WWOX: variants seen among roughly 807,000 people sequenced by gnomAD.
WWOX encodes WW domain-containing oxidoreductase.
In WWOX, 69 loss-of-function variants were observed where a neutral mutation model predicts 46.2. The observed-to-expected ratio is 1.49, with a 90% CI of 1.23 to 1.82. The LOEUF is 1.82. Ranked by LOEUF, WWOX falls within the 40% of genes most tolerant of loss-of-function variation. The pLI is 0.00. For missense variants in WWOX, 919 were observed against 542.6 expected (o/e 1.69, Z -6.89); for synonymous variants, 359 against 202.6 (o/e 1.77, Z -6.56).
chr16:78,565,870 T>C (rs1282857734), intron 8 of WWOX, among the ~76,000 whole-genome samples: 1 of 151,972 alleles, frequency 6.6e-6, no homozygotes, highest in East Asian at 1.9e-4. Flanking sequence ...AGGACTGAAA[T>C]GTGGGTAAGA....
intron 5 of WWOX, among the ~76,000 whole-genome samples, chr16:78,312,476 C>A (rs945036500): frequency 2.6e-5 from 4 of 151,320 alleles, no homozygotes; most frequent in Admixed American, 6.6e-5. Flanking sequence ...CTCCTGTGTT[C>A]AAGCAGTTCT....
chr16:78,828,040 G>T (rs2151153669), intron 8 of WWOX, among the ~76,000 whole-genome samples: 1 of 152,310 alleles, frequency 6.6e-6, no homozygotes, highest in South Asian at 2.1e-4. Flanking sequence ...GCACATTGCT[G>T]CAGGCATTGG....
chr16:79,137,398 A>T (rs1386403980), intron 8 of WWOX, among the ~76,000 whole-genome samples: 1 of 152,202 alleles, frequency 6.6e-6, no homozygotes. Context: ...TTTTTATCAC[A>T]GCTGATAACT....
chr16:79,211,143 C>A (rs2051728772), intron 8 of WWOX, among the ~76,000 whole-genome samples: 1 of 151,976 alleles, frequency 6.6e-6, no homozygotes, highest in Non-Finnish European at 1.5e-5. Context: ...GCAGCAGCCC[C>A]ACTTGGGTTT....
intron 8 of WWOX, among the ~76,000 whole-genome samples, chr16:78,464,532 A>C: frequency 6.6e-6 from 1 of 152,150 alleles, no homozygotes; most frequent in African/African-American, 2.4e-5. Flanking sequence ...TATTTCCTTG[A>C]ATCTTCATGA....
chr16:78,249,133 G>A (rs1022865956), intron 5 of WWOX, among the ~76,000 whole-genome samples: 2 of 152,232 alleles, frequency 1.3e-5, no homozygotes, highest in Middle Eastern at 3.4e-3. Flanking sequence ...GATTACAGGC[G>A]TGAGCCACCG....
At chr16:79,059,032 A>T (rs2048314553) in intron 8 of WWOX, among the ~76,000 whole-genome samples, 1 of 152,158 alleles carries the variant, frequency 6.6e-6, no homozygotes, top group South Asian at 2.1e-4. Context: ...TAATACTCTG[A>T]TTTCTGGAGA....
chr16:78,861,705 T>G (rs559159002), intron 8 of WWOX, among the ~76,000 whole-genome samples: 64 of 152,346 alleles, frequency 4.2e-4, no homozygotes, highest in East Asian at 1.9e-3. Context: ...CATCTTTCAT[T>G]AGTTTGTTTG....
chr16:78,155,621 C>T (rs2034571994), intron 4 of WWOX, among the ~76,000 whole-genome samples: 1 of 152,158 alleles, frequency 6.6e-6, no homozygotes, highest in Admixed American at 6.5e-5. Flanking sequence ...TTTACATATT[C>T]TTCCGAACAC....
chr16:78,985,082 G>C (rs2046758654), intron 8 of WWOX, among the ~76,000 whole-genome samples: 1 of 152,162 alleles, frequency 6.6e-6, no homozygotes, highest in Non-Finnish European at 1.5e-5. Flanking sequence ...TGGCCGCCCA[G>C]TTTTTGGACT....
At chr16:79,114,656 C>T (rs899904750) in intron 8 of WWOX, among the ~76,000 whole-genome samples, 14 of 152,092 alleles carry the variant, frequency 9.2e-5, no homozygotes, top group African/African-American at 3.4e-4. Context: ...AGAGAATAAA[C>T]TTGTATTGTT....
At chr16:78,728,417 A>G (rs745884551) in intron 8 of WWOX, among the ~76,000 whole-genome samples, 7 of 152,254 alleles carry the variant, frequency 4.6e-5, no homozygotes, top group South Asian at 2.1e-4. Flanking sequence ...TCAAACAAAG[A>G]GAAAAGTGGC....
intron 6 of WWOX, among the ~76,000 whole-genome samples, chr16:78,407,338 C>G (rs1299625444): frequency 6.6e-6 from 1 of 152,180 alleles, no homozygotes; most frequent in African/African-American, 2.4e-5. Flanking sequence ...CATTCTGCTT[C>G]CAGGAGGGAT....
chr16:78,393,686 TC>T (rs1382790208), intron 6 of WWOX, among the ~76,000 whole-genome samples: 3 of 152,298 alleles, frequency 2.0e-5, no homozygotes, highest in African/African-American at 7.2e-5. Context: ...GATAGGAAAT[TC>T]ATATTAAAAT....
chr16:78,818,401 C>A (rs116300262), intron 8 of WWOX, among the ~76,000 whole-genome samples: 2,777 of 152,272 alleles, frequency 0.018, 90 homozygotes, highest in African/African-American at 0.064. Context: ...TTGACTCAGG[C>A]CTTGAAGTGC....
intron 6 of WWOX, among the ~76,000 whole-genome samples, chr16:78,419,625 C>CAA (rs60762734): frequency 0.011 from 499 of 44,616 alleles, 10 homozygotes; most frequent in East Asian, 0.061. Flanking sequence ...CAAAAAATAG[C>CAA]AAAAAAAAAA....
rs557828869 is a variant in WWOX, at chr16:78,344,733, C to A, written c.517-42127C>A. On this transcript the variant is annotated intron_variant, in intron 5 of 8. Transcript: ENST00000566780. ...ATTGACTGAAAAGAATTCTCCATTC[C>A]AACTTCCCAAGTCAGTTGCCATTTG... is the stretch of plus-strand genomic sequence containing the variant. Among the ~76,000 whole-genome samples the A allele has an allele frequency of 4.9e-5, 6 of 121,904 alleles. No individual in the cohort carries two copies. The East Asian group carries it at 9.7e-4, about 20-fold the overall frequency. 80.0% of individuals were successfully genotyped at this position (121,904 alleles called of 152,430 possible).
intron 8 of WWOX, among the ~76,000 whole-genome samples, chr16:78,564,284 G>C (rs2044510658): frequency 6.6e-6 from 1 of 152,220 alleles, no homozygotes; most frequent in Admixed American, 6.5e-5. Flanking sequence ...GGGAGCTGTT[G>C]TAAAGAAGTA....
At chr16:78,386,302 A>C (rs2151933639) in intron 5 of WWOX, among the ~76,000 whole-genome samples, 1 of 152,218 alleles carries the variant, frequency 6.6e-6, no homozygotes, top group Non-Finnish European at 1.5e-5. Context: ...CTGTTGATAG[A>C]GTTTTCTGGG....
Sources: gnomAD v4.1 joint callset for allele counts (sites outside exome capture counted in the v4.1 genomes callset) on GRCh38, gnomAD v4.1.1 for gene constraint, MANE v1.5 for transcripts, NCBI Gene and HGNC (gene_info 2026-07-23, HGNC 2026-07-21) for gene names.